Variants in SERGEF observed in about 807,000 individuals in gnomAD.
The protein encoded by SERGEF is secretion-regulating guanine nucleotide exchange factor.
SERGEF carries 51 observed loss-of-function variants against 50.0 expected under a neutral mutation model. The ratio of observed to expected loss-of-function variants is 1.02; its 90% CI spans 0.81 to 1.29. The LOEUF (loss-of-function observed/expected upper bound fraction) is 1.29. Ranked by LOEUF, SERGEF falls within the 50% of genes most tolerant of loss-of-function variation. The probability of loss-of-function intolerance (pLI) is 0.00; values close to 1 mark genes in which losing one functional copy is unlikely to be tolerated. For missense variants in SERGEF, 521 were observed against 557.0 expected (o/e 0.94, Z 0.65); for synonymous variants, 205 against 212.4 (o/e 0.97, Z 0.30).
chr11:17,987,602 T>C (rs999548665), intron 8 of SERGEF, among the ~76,000 whole-genome samples: 1 of 152,226 alleles, frequency 6.6e-6, no homozygotes, highest in African/African-American at 2.4e-5. Context: ...CAGGCCTCTA[T>C]TGCAAAATGA....
intron 10 of SERGEF, among the ~76,000 whole-genome samples, chr11:17,815,695 G>A (rs1849961504): frequency 1.3e-5 from 2 of 151,852 alleles, no homozygotes; most frequent in Non-Finnish European, 2.9e-5. Flanking sequence ...AGGCCGAGGT[G>A]GGTGGATCAC....
At chr11:17,922,060 A>T (rs1232154687) in intron 9 of SERGEF, among the ~76,000 whole-genome samples, 1 of 152,138 alleles carries the variant, frequency 6.6e-6, no homozygotes, top group Non-Finnish European at 1.5e-5. Context: ...GATGGGAGAG[A>T]TTTCTCTTTA....
At chr11:17,930,931 G>T (rs999550611) in intron 9 of SERGEF, among the ~76,000 whole-genome samples, 1 of 152,126 alleles carries the variant, frequency 6.6e-6, no homozygotes, top group Non-Finnish European at 1.5e-5. Flanking sequence ...ACACCACTGA[G>T]CTGACGTCTG....
At chr11:17,947,746 A>C (rs780268958) in intron 9 of SERGEF, among the ~76,000 whole-genome samples, 14 of 152,190 alleles carry the variant, frequency 9.2e-5, no homozygotes, top group Non-Finnish European at 1.8e-4. Context: ...CTTTGTCCTT[A>C]AATAAGTTAC....
chr11:17,847,314 G>A (rs1850631675), intron 10 of SERGEF, among the ~76,000 whole-genome samples: 1 of 152,166 alleles, frequency 6.6e-6, no homozygotes, highest in Admixed American at 6.5e-5. Flanking sequence ...GCACTCAGCA[G>A]GGCTGTACGT....
intron 4 of SERGEF, chr11:18,000,925 A>G (rs922530717): frequency 4.8e-6 from 2 of 415,832 alleles, no homozygotes; most frequent in Non-Finnish European, 9.3e-6. Context: ...AAGCAGCTCT[A>G]GACTATACAT....
At position 17,884,749 on chromosome 11, in the gene SERGEF, A is replaced by T. The variant is rs1590176318; in HGVS notation, c.1012-6505T>A. Among the ~76,000 whole-genome samples, 1 of 152,188 alleles carries T rather than the reference A, an allele frequency of 6.6e-6. No individual in the cohort carries two copies. On this transcript the variant is annotated intron_variant, in intron 9 of 10. Transcript: ENST00000265965. This position sits in a 1 kb window ranked among gnomAD's most constrained non-coding sequence, Gnocchi z 4.6. Reference sequence around the variant, plus strand: ...TGTATATGTTATATATACATTTTTAAAAAAAGCACATTGTATGTATGCCTG... The same window carrying T: ...TGTATATGTTATATATACATTTTTATAAAAAGCACATTGTATGTATGCCTG...
chr11:17,939,008 A>G (rs1170436688), intron 9 of SERGEF, among the ~76,000 whole-genome samples: 2 of 152,230 alleles, frequency 1.3e-5, no homozygotes, highest in African/African-American at 4.8e-5. Context: ...AGCATAATAA[A>G]TGTAATAAAT....
At chr11:17,978,728 C>CTCAGGGAGAA in intron 8 of SERGEF, among the ~76,000 whole-genome samples, 1 of 152,290 alleles carries the variant, frequency 6.6e-6, no homozygotes, top group Non-Finnish European at 1.5e-5. Context: ...AAGACCCTTT[C>CTCAGGGAGAA]CCTTTCTGGG....
chr11:17,836,721 C>T (rs757976791), intron 10 of SERGEF, among the ~76,000 whole-genome samples: 3 of 152,204 alleles, frequency 2.0e-5, no homozygotes, highest in Admixed American at 1.3e-4. Context: ...TTCTGGAATG[C>T]TCTCTTGCCT....
At chr11:17,997,307 C>A (rs1249021027) in intron 5 of SERGEF, among the ~76,000 whole-genome samples, 5 of 152,164 alleles carry the variant, frequency 3.3e-5, no homozygotes, top group Non-Finnish European at 7.3e-5. Flanking sequence ...ACATTGCTAA[C>A]CATCAGGGAA....
intron 10 of SERGEF, among the ~76,000 whole-genome samples, chr11:17,850,575 G>A (rs1850693418): frequency 6.6e-6 from 1 of 152,180 alleles, no homozygotes. Context: ...ACGCTCACTA[G>A]ACAGCTCCTT....
intron 10 of SERGEF, among the ~76,000 whole-genome samples, chr11:17,875,164 C>A (rs929570048): frequency 1.3e-5 from 2 of 152,172 alleles, no homozygotes; most frequent in African/African-American, 4.8e-5. Context: ...TAACTACTAC[C>A]CATACTACTT....
At chr11:17,933,243 C>A (rs1012681141) in intron 9 of SERGEF, among the ~76,000 whole-genome samples, 46 of 152,220 alleles carry the variant, frequency 3.0e-4, no homozygotes, top group Non-Finnish European at 5.9e-5. Flanking sequence ...TCATTTCTAT[C>A]ATCTTTCATT....
chr11:18,008,718 T>C (rs1457845864), intron 1 of SERGEF, among the ~76,000 whole-genome samples: 1 of 151,652 alleles, frequency 6.6e-6, no homozygotes, highest in African/African-American at 2.4e-5. Flanking sequence ...AGTTCTGGGC[T>C]ACGAGTCGTT....
chr11:17,998,082 A>C (rs1853874802), intron 5 of SERGEF, among the ~76,000 whole-genome samples: 1 of 152,074 alleles, frequency 6.6e-6, no homozygotes, highest in African/African-American at 2.4e-5. Flanking sequence ...AAAAGAAAGA[A>C]AGACTTGTGA....
intron 5 of SERGEF, among the ~76,000 whole-genome samples, chr11:17,996,415 C>T (rs1046655476): frequency 9.9e-5 from 15 of 152,170 alleles, no homozygotes; most frequent in Non-Finnish European, 8.8e-5. Flanking sequence ...GCCCTTTCCA[C>T]GACACCAAGA....
At chr11:18,006,919 G>A (rs1195206512) in intron 2 of SERGEF, among the ~76,000 whole-genome samples, 173 bp from the exon 3 acceptor site, 1 of 152,184 alleles carries the variant, frequency 6.6e-6, no homozygotes, top group Non-Finnish European at 1.5e-5. Context: ...ACAAGGCCAA[G>A]GGCCTCAAAC....
intron 9 of SERGEF, among the ~76,000 whole-genome samples, chr11:17,921,691 G>T (rs995383957): frequency 1.3e-5 from 2 of 152,204 alleles, no homozygotes; most frequent in African/African-American, 4.8e-5. Flanking sequence ...AGCAAGACCT[G>T]AAATGAACTA....
Sources: gnomAD v4.1 joint callset for allele counts (sites outside exome capture counted in the v4.1 genomes callset) on GRCh38, gnomAD v4.1.1 for gene constraint, Gnocchi (gnomAD v3.1) non-coding constraint, MANE v1.5 for transcripts, NCBI Gene and HGNC (gene_info 2026-07-23, HGNC 2026-07-21) for gene names.